Variants in BFSP1 observed in about 807,000 individuals in gnomAD.
BFSP1 encodes the protein beaded filament structural protein 1.
In BFSP1, 38 loss-of-function variants were observed where a neutral mutation model predicts 43.9. That is an observed-to-expected ratio of 0.87 (90% CI 0.67 to 1.14). The LOEUF is 1.14. Among genes scored for constraint, BFSP1 ranks in the 50% most tolerant of loss-of-function variants. The probability of loss-of-function intolerance (pLI) is 0.00; values close to 1 mark genes in which losing one functional copy is unlikely to be tolerated. For synonymous variants in BFSP1, 352 were observed against 354.8 expected (o/e 0.99, Z 0.09); for missense variants, 850 against 875.1 (o/e 0.97, Z 0.36).
chr20:17,514,598 C>T (rs935622365), intron 3 of BFSP1, 123 bp downstream of exon 3: 13 of 935,634 alleles, frequency 1.4e-5, no homozygotes, highest in East Asian at 1.3e-4. Flanking sequence ...CTATTTGGTT[C>T]GAGGGAAAAC....
chr20:17,528,710 G>C (rs1184016155), intron 1 of BFSP1, among the ~76,000 whole-genome samples: 1 of 152,174 alleles, frequency 6.6e-6, no homozygotes, highest in Non-Finnish European at 1.5e-5. Context: ...TGGATTTTCA[G>C]GTCCCTTCTA....
intron 3 of BFSP1, among the ~76,000 whole-genome samples, chr20:17,513,155 G>C (rs2034126169): frequency 6.6e-6 from 1 of 152,170 alleles, no homozygotes; most frequent in Admixed American, 6.5e-5. Flanking sequence ...AGAGCTTCCT[G>C]TGGGATCATG....
At chr20:17,498,602 A>G (rs553659583) in intron 6 of BFSP1, among the ~76,000 whole-genome samples, 2 of 152,192 alleles carry the variant, frequency 1.3e-5, no homozygotes, top group East Asian at 3.9e-4. Context: ...CCCTATTGCC[A>G]CCACCCTCCT....
At chr20:17,529,764 G>A (rs1359732930) in intron 1 of BFSP1, among the ~76,000 whole-genome samples, 1 of 152,152 alleles carries the variant, frequency 6.6e-6, no homozygotes, top group Non-Finnish European at 1.5e-5. Flanking sequence ...CTGCTGGAGT[G>A]TACCTGTTGC....
intron 2 of BFSP1, among the ~76,000 whole-genome samples, chr20:17,521,116 G>T (rs548075874): frequency 9.9e-5 from 15 of 151,892 alleles, no homozygotes; most frequent in African/African-American, 3.4e-4. Flanking sequence ...TATATATTTG[G>T]TGACCATGAG....
chr20:17,561,887 G>A (rs1188739505), upstream of BFSP1, among the ~76,000 whole-genome samples: 1 of 152,116 alleles, frequency 6.6e-6, no homozygotes, highest in Non-Finnish European at 1.5e-5. Flanking sequence ...AGAAACAAAT[G>A]TCCGTCTTTC....
At chr20:17,554,020 G>A (rs1031314808) in intron 1 of BFSP1, among the ~76,000 whole-genome samples, 4 of 151,064 alleles carry the variant, frequency 2.6e-5, no homozygotes, top group Non-Finnish European at 4.4e-5. Context: ...AAACTATTAT[G>A]TACAGTATTA....
chr20:17,502,579 G>C (rs2033829786), intron 5 of BFSP1, among the ~76,000 whole-genome samples: 1 of 152,184 alleles, frequency 6.6e-6, no homozygotes, highest in Non-Finnish European at 1.5e-5. Context: ...CAGGATCACT[G>C]TTAATTTCCA....
intron 5 of BFSP1, among the ~76,000 whole-genome samples, chr20:17,499,853 A>G (rs758071533): frequency 4.6e-5 from 7 of 152,152 alleles, no homozygotes; most frequent in Non-Finnish European, 1.0e-4. Flanking sequence ...CCTGGGAGGC[A>G]GAGGCTGCAG....
chr20:17,514,913 C>G, intron 2 of BFSP1, 97 bp from the exon 3 acceptor site: 1 of 1,079,518 alleles, frequency 9.3e-7, no homozygotes, highest in South Asian at 1.3e-5. Context: ...TGGGAGCTTA[C>G]TGAAATGCAG....
rs1246559638 is a variant in BFSP1 at position 17,498,824 on chromosome 20, T to C, written c.952A>G (p.Asn318Asp). Residue 318 changes from asparagine to aspartate, a missense_variant, in exon 6 of 8, where the codon AAC becomes GAC. Coordinates refer to ENST00000377873, the MANE Select transcript of BFSP1 (RefSeq NM_001195.5). ...ATGGGGAGGGCACACGCTCACCTGT[T>C]GCCTTCAATCTCGATGATACGATGA... ...RYHRIIEIEG[N>D]RLTSAFIETP... 1 of 1,612,482 alleles carries C rather than the reference T, an allele frequency of 6.2e-7. No homozygotes were observed. Among genetic ancestry groups the C allele is most frequent in the Non-Finnish European group, 8.5e-7 (1 of 1,179,936 alleles).
At chr20:17,535,811 T>A (rs1035058520), upstream of BFSP1, among the ~76,000 whole-genome samples, 7 of 152,210 alleles carry the variant, frequency 4.6e-5, no homozygotes, top group African/African-American at 1.2e-4. Flanking sequence ...TTGCTTTATG[T>A]TATAGCTATA....
chr20:17,567,122 C>T (rs1431773010), intron 1 of BFSP1, among the ~76,000 whole-genome samples: 1 of 152,140 alleles, frequency 6.6e-6, no homozygotes, highest in Non-Finnish European at 1.5e-5. Flanking sequence ...AACTCTTTCC[C>T]TCCGTGTGGA....
At position 17,498,813 on chromosome 20, in the gene BFSP1, C is replaced by G. The variant is rs202146533; in HGVS notation, c.956+7G>C. ...AAGTGGCCTGGATGGGGAGGGCACA[C>G]GCTCACCTGTTGCCTTCAATCTCGA... is the stretch of plus-strand genomic sequence containing the variant. On this transcript the variant is annotated splice_region_variant and intron_variant, in intron 6 of 7. Coordinates refer to ENST00000377873, the MANE Select transcript of BFSP1 (RefSeq NM_001195.5). The G allele has an allele frequency of 1.4e-3, 2,324 of 1,611,390 alleles. 5 individuals are homozygous for G. Among genetic ancestry groups the G allele is most frequent in the Non-Finnish European group, 1.8e-3 (2,161 of 1,179,472 alleles).
chr20:17,494,740 T>C lies in BFSP1; in HGVS notation c.1332A>G (p.Leu444=), dbSNP rs147241220. ...TCACTTTCTCCTTGACCTTCCTGTA[T>C]AGTTTCCCAAAGCCTTTGCTTATCT... ...GGQISKGFGK[L]YRKVKEKVRS... The change falls in exon 8 of 8, where the codon CTA becomes CTG. Residue 444 remains leucine (L), a synonymous_variant. Coordinates refer to ENST00000377873, the MANE Select transcript of BFSP1 (RefSeq NM_001195.5). 1,702 of 1,614,148 alleles carry C rather than the reference T, an allele frequency of 1.1e-3. 30 individuals carry two copies. In the South Asian group the frequency reaches 0.018, roughly 17 times the overall value.
rs530242968 is a variant in BFSP1, at chr20:17,512,115, G to T, written c.535-47C>A. The T allele has an allele frequency of 7.3e-6, 11 of 1,497,026 alleles. No homozygotes were observed. The South Asian group carries it at 1.3e-4, about 17-fold the overall frequency. 92.7% of individuals were successfully genotyped at this position (1,497,026 alleles called of 1,614,324 possible). A position where few individuals can be genotyped will look rare whatever the true frequency, so the allele number is the denominator to read the frequency against. The stretch of plus-strand genomic sequence containing the variant: ...TCTCATTATAAGTTGAGCTGCGCTG[G>T]TTTTTCCTTCTAGTACTAGATGAGA... On this transcript the variant is annotated intron_variant, in intron 3 of 7. Transcript: ENST00000377873.
chr20:17,502,663 T>C (rs907658179), intron 5 of BFSP1, among the ~76,000 whole-genome samples: 1 of 152,224 alleles, frequency 6.6e-6, no homozygotes, highest in South Asian at 2.1e-4. Context: ...GTGCTGTTTT[T>C]GCAACTTTTC....
chr20:17,564,744 G>C (rs1434843849), intron 1 of BFSP1, among the ~76,000 whole-genome samples: 1 of 151,654 alleles, frequency 6.6e-6, no homozygotes. Flanking sequence ...ACCCACTACC[G>C]CGTCCGGCTA....
intron 1 of BFSP1, among the ~76,000 whole-genome samples, chr20:17,542,716 A>G (rs1019898122): frequency 5.9e-5 from 9 of 152,212 alleles, no homozygotes; most frequent in Non-Finnish European, 7.3e-5. Context: ...ATTAAGCTCA[A>G]AGAGAGTCTT....
Sources: allele counts gnomAD v4.1 joint callset (sites outside exome capture counted in the v4.1 genomes callset), GRCh38; gene constraint gnomAD v4.1.1; transcripts MANE v1.5; gene names NCBI Gene and HGNC (gene_info 2026-07-23, HGNC 2026-07-21).